Variants in GCNT2 observed in about 807,000 individuals in gnomAD.
GCNT2 encodes the protein glucosaminyl (N-acetyl) transferase 2 (I blood group).
A neutral mutation model predicts 34.2 loss-of-function variants in GCNT2; 34 were observed. The observed-to-expected ratio is 1.00, with a 90% CI of 0.76 to 1.32. The LOEUF (loss-of-function observed/expected upper bound fraction) is 1.32. Ranked by LOEUF, GCNT2 falls within the 40% of genes most tolerant of loss-of-function variation. The pLI is 0.00. For synonymous variants in GCNT2, 212 were observed against 188.0 expected (o/e 1.13, Z -1.04); for missense variants, 584 against 489.4 (o/e 1.19, Z -1.82).
Position 10,528,952 on chromosome 6 carries a change from T to G in GCNT2, c.41T>G (p.Leu14Arg), listed in dbSNP as rs1761333231. Residue 14 changes from leucine to arginine, a missense_variant, in exon 3 of 5, where the codon CTT (leucine) becomes CGT (arginine). Physicochemically the swap from Leu to Arg is moderately radical, Grantham distance 102. Transcript: ENST00000495262. ...SWKHCLFSASLISALIFVFVY... is the reference protein window; with the variant it reads ...SWKHCLFSASRISALIFVFVY... ...AAGCACTGTCTTTTTAGCGCGTCTC[T>G]TATCTCTGCCCTGATTTTTGTATTT... The G allele has an allele frequency of 6.2e-7, 1 of 1,614,054 alleles. No individual in the cohort carries two copies. The highest frequency in any genetic ancestry group is 8.5e-7 in the Non-Finnish European group (1 of 1,179,880).
chr6:10,561,065 T>C (rs1485791364), intron 3 of GCNT2, among the ~76,000 whole-genome samples: 2 of 152,266 alleles, frequency 1.3e-5, no homozygotes, highest in South Asian at 2.1e-4. Context: ...TACACCCTTA[T>C]ATTTTCTAAC....
At chr6:10,617,048 C>A (rs928604380) in intron 3 of GCNT2, among the ~76,000 whole-genome samples, 1 of 152,272 alleles carries the variant, frequency 6.6e-6, no homozygotes, top group East Asian at 1.9e-4. Flanking sequence ...CAGTCCCACT[C>A]CGTGCGCCTG....
At chr6:10,619,571 C>G (rs1581492695) in intron 3 of GCNT2, 1 of 152,180 alleles carries the variant, frequency 6.6e-6, no homozygotes, top group Non-Finnish European at 1.5e-5. Context: ...CCAGGCTGGT[C>G]TCGGACTCCA....
intron 3 of GCNT2, among the ~76,000 whole-genome samples, chr6:10,599,712 G>GT (rs1765018195): frequency 6.6e-6 from 1 of 152,118 alleles, no homozygotes; most frequent in Non-Finnish European, 1.5e-5. Flanking sequence ...TCCACACTGG[G>GT]TTTTCTCAGC....
At chr6:10,587,025 A>G (rs1764385702) in intron 3 of GCNT2, 3 of 826,632 alleles carry the variant, frequency 3.6e-6, no homozygotes, top group Non-Finnish European at 6.0e-6. Context: ...TACTTAGAAA[A>G]CTATTAGTTT....
At chr6:10,574,877 CT>C in intron 3 of GCNT2, 1 of 699,904 alleles carries the variant, frequency 1.4e-6, no homozygotes, top group Non-Finnish European at 2.7e-6. Context: ...TCTTTGTCTT[CT>C]TTCTTTTTCT....
chr6:10,586,375 A>C, intron 3 of GCNT2: 1 of 1,614,144 alleles, frequency 6.2e-7, no homozygotes, highest in Non-Finnish European at 8.5e-7. Flanking sequence ...GTTCACGTGG[A>C]TGAGAAAGCC....
chr6:10,588,634 G>A (rs1029714256), intron 3 of GCNT2, among the ~76,000 whole-genome samples: 2 of 152,162 alleles, frequency 1.3e-5, no homozygotes, highest in Admixed American at 1.3e-4. Flanking sequence ...AGGATTGAGG[G>A]TGTTTGGAAA....
chr6:10,582,279 AAT>A lies in GCNT2; in HGVS notation c.926-39064_926-39063del, dbSNP rs1486786895. On this transcript the variant is annotated intron_variant, in intron 3 of 4. Transcript: ENST00000495262. ...ATATATACTATATATTAAATATATA[AAT>A]ATATATAATATTACTATATATTTAA... 3.0e-4 allele frequency among the ~76,000 whole-genome samples: 33 copies of A among 108,696 alleles called. No homozygotes were observed. The East Asian group carries it at 4.5e-3, about 15-fold the overall frequency. 71.3% of individuals were successfully genotyped at this position (108,696 alleles called of 152,430 possible).
At position 10,568,042 on chromosome 6, in the gene GCNT2, C is replaced by G. The variant is rs149248096; in HGVS notation, c.925+38206C>G. ...ACTATTCTCAGTGAAATTCAGAATT[C>G]GAGAAATGTTTTCAGGAAACATCCT... On this transcript the variant is annotated intron_variant, in intron 3 of 4. Coordinates refer to ENST00000495262, the MANE Select transcript of GCNT2 (RefSeq NM_145649.5). Among the ~76,000 whole-genome samples the G allele has an allele frequency of 1.8e-4, 28 of 152,258 alleles. No individual in the cohort carries two copies. In the East Asian group the frequency reaches 4.4e-3, roughly 24 times the overall value.
At chr6:10,580,667 C>A (rs1242536803) in intron 3 of GCNT2, among the ~76,000 whole-genome samples, 1 of 151,912 alleles carries the variant, frequency 6.6e-6, no homozygotes, top group African/African-American at 2.4e-5. Context: ...TGATGAAGAA[C>A]GGCAAGGATT....
chr6:10,522,830 G>A (rs1760983346), intron 1 of GCNT2, among the ~76,000 whole-genome samples: 1 of 152,148 alleles, frequency 6.6e-6, no homozygotes, highest in Non-Finnish European at 1.5e-5. Flanking sequence ...CCTCGGGCAC[G>A]GAGATTGGGC....
At chr6:10,603,998 C>A (rs879753937) in intron 3 of GCNT2, among the ~76,000 whole-genome samples, 2 of 151,360 alleles carry the variant, frequency 1.3e-5, no homozygotes, top group African/African-American at 4.9e-5. Context: ...CCGGTTCAAA[C>A]GATTCTCTTG....
intron 3 of GCNT2, among the ~76,000 whole-genome samples, chr6:10,620,703 A>T (rs1765996379): frequency 6.6e-6 from 1 of 152,176 alleles, no homozygotes; most frequent in African/African-American, 2.4e-5. Context: ...GTAATGATTT[A>T]TATATTATAA....
In GCNT2 at chr6:10,529,557, AC is replaced by A. The variant is rs1480258044; in HGVS notation, c.651del (p.Gly218GlufsTer20). On this transcript the variant is annotated frameshift_variant, in exon 3 of 5. Transcript: ENST00000495262. LOFTEE classifies it high-confidence loss of function. ...YLKGFKGKNI[T>X]PGVLPPDHAV... ...GAAGGGATTTAAAGGGAAAAATATC[AC>A]CCCCGGAGTGCTGCCTCCTGACCAC... 1 of 1,614,076 alleles carries A rather than the reference AC, an allele frequency of 6.2e-7. No homozygotes were observed. Among genetic ancestry groups the A allele is most frequent in the Non-Finnish European group, 8.5e-7 (1 of 1,180,022 alleles).
intron 3 of GCNT2, among the ~76,000 whole-genome samples, chr6:10,544,063 CAGAACTTTGGG>C (rs1289377959): frequency 1.4e-4 from 21 of 152,274 alleles, no homozygotes; most frequent in African/African-American, 4.8e-4. Flanking sequence ...CCTGTAATCC[CAGAACTTTGGG>C]AGGCCGAGAT....
chr6:10,604,815 C>T (rs1040735917), intron 3 of GCNT2, among the ~76,000 whole-genome samples: 2 of 150,754 alleles, frequency 1.3e-5, no homozygotes, highest in African/African-American at 2.4e-5. Flanking sequence ...CCTGTGATTG[C>T]ACCACTGCAG....
At chr6:10,612,283 G>A (rs1052412404) in intron 3 of GCNT2, among the ~76,000 whole-genome samples, 2 of 152,110 alleles carry the variant, frequency 1.3e-5, no homozygotes, top group African/African-American at 4.8e-5. Context: ...CACCGCGCCC[G>A]GCCTTTGTTT....
chr6:10,569,877 C>CTT (rs1446712201), intron 3 of GCNT2, among the ~76,000 whole-genome samples: 41 of 136,598 alleles, frequency 3.0e-4, no homozygotes, highest in Middle Eastern at 3.8e-3. Context: ...TTCTTTCTTT[C>CTT]TCTTTCTTTT....
Sources: allele counts gnomAD v4.1 joint callset (sites outside exome capture counted in the v4.1 genomes callset), GRCh38; gene constraint gnomAD v4.1.1; transcripts MANE v1.5; gene names NCBI Gene and HGNC (gene_info 2026-07-23, HGNC 2026-07-21).